PARP10: variants seen among roughly 807,000 people sequenced by gnomAD.
The protein encoded by PARP10 is protein mono-ADP-ribosyltransferase PARP10.
Under a neutral mutation model 82.4 loss-of-function variants are expected in PARP10, and 56 were observed. The observed-to-expected ratio is 0.68, with a 90% CI of 0.55 to 0.85. The LOEUF is 0.85. Among genes scored for constraint, PARP10 ranks in the 40% least tolerant of loss-of-function variants. The probability of loss-of-function intolerance (pLI) is 0.00; values close to 1 mark genes in which losing one functional copy is unlikely to be tolerated. For synonymous variants in PARP10, 576 were observed against 601.1 expected (o/e 0.96, Z 0.61); for missense variants, 1,227 against 1,379.4 (o/e 0.89, Z 1.75).
chr8:143,983,518 G>A lies in PARP10; in HGVS notation c.2071C>T (p.Pro691Ser). ...QALTLSLLEQ[P>S]PLEAEEPPDG... is the part of the protein sequence containing the mutation. ...GGGGGCTCTTCTGCCTCCAACGGGG[G>A]CTGCTCCAGCAGGGAGAGGGTTAGG... is the stretch of plus-strand genomic sequence containing the variant. Residue 691 changes from proline (P) to serine (S), a missense_variant, in exon 8 of 11, where the codon CCC becomes TCC. Physicochemically the swap from Pro to Ser is moderately conservative, Grantham distance 74. Transcript: ENST00000313028. The A allele has an allele frequency of 6.2e-7, 1 of 1,605,620 alleles. No individual in the cohort carries two copies. The highest frequency in any genetic ancestry group is 8.5e-7 in the Non-Finnish European group (1 of 1,176,538).
At position 143,977,999 on chromosome 8, in the gene PARP10, G is replaced by T; in HGVS notation, c.2639C>A (p.Pro880Gln). The T allele has an allele frequency of 1.3e-6, 2 of 1,591,496 alleles. No individual in the cohort carries two copies. ...GCCGTGGTACAGCACCTGCTCCACC[G>T]GGCGCCGCTCGCATCGCTGCAGCAG... ...ERLLQRCERRPVEQVLYHGTT... is the reference protein window; with the variant it reads ...ERLLQRCERRQVEQVLYHGTT... Residue 880 changes from proline (P) to glutamine (Q), a missense_variant, in exon 10 of 11, where the codon CCG becomes CAG. By Grantham distance (76) the Pro-to-Gln change is moderately conservative. Coordinates refer to ENST00000313028, the MANE Select transcript of PARP10 (RefSeq NM_032789.5).
In PARP10 at chr8:143,977,438, G is replaced by A. The variant is rs1554746415; in HGVS notation, c.*46C>T. ...GGGGCGGGGAGCATCAGCCTGTGCGGAGCTGGGAGCCTGGGAAGCAGGAGG... is the reference window on the plus strand; with the variant it reads ...GGGGCGGGGAGCATCAGCCTGTGCGAAGCTGGGAGCCTGGGAAGCAGGAGG... On this transcript the variant is annotated 3_prime_UTR_variant, in exon 11 of 11. Transcript: ENST00000313028. The A allele has an allele frequency of 4.8e-6, 7 of 1,466,472 alleles. No homozygotes were observed. The highest frequency in any genetic ancestry group is 6.4e-6 in the Non-Finnish European group (7 of 1,094,670). The allele number at this position is 1,466,472 out of a possible 1,614,324, so 90.8% of individuals were successfully genotyped here.
In PARP10 at chr8:143,977,665, C is replaced by G. The variant is rs1394720703; in HGVS notation, c.2897G>C (p.Arg966Pro). 6 of 1,594,216 alleles carry G rather than the reference C, an allele frequency of 3.8e-6. No homozygotes were observed. The highest frequency in any genetic ancestry group is 5.1e-6 in the Non-Finnish European group (6 of 1,171,240). The change falls in exon 11 of 11, where the codon CGG becomes CCG. Residue 966 changes from arginine to proline, a missense_variant. Transcript: ENST00000313028. ...GRRGLRAPPL[R>P]GPGHVLLRYD... The stretch of plus-strand genomic sequence containing the variant: ...GCGCAGGAGCACGTGGCCAGGACCC[C>G]GCAGAGGGGGCGCCCGCAGACCGCG...
At chr8:143,981,398 ATGG>A (rs1564248569) in intron 9 of PARP10, among the ~76,000 whole-genome samples, 1 of 57,292 alleles carries the variant, frequency 1.7e-5, no homozygotes. Context: ...GATGGTGATG[ATGG>A]TGGTGACGAC....
At chr8:143,991,288 CG>C (rs781965675), upstream of PARP10, 96 of 1,487,142 alleles carry the variant, frequency 6.5e-5, no homozygotes, top group Admixed American at 1.5e-4. Context: ...CCTGGATATC[CG>C]GGGGGGCCCC....
upstream of PARP10, chr8:143,991,928 T>G: frequency 6.2e-7 from 1 of 1,613,750 alleles, no homozygotes; most frequent in Non-Finnish European, 8.5e-7. Context: ...CCACGGTGTC[T>G]GTGTTCACTT....
At position 143,984,447 on chromosome 8, in the gene PARP10, A is replaced by C; in HGVS notation, c.1459-16T>G. 6.2e-7 allele frequency: 1 copy of C among 1,601,542 alleles called. No homozygotes were observed. The highest frequency in any genetic ancestry group is 8.5e-7 in the Non-Finnish European group (1 of 1,174,618). On this transcript the variant is annotated splice_polypyrimidine_tract_variant and intron_variant, in intron 5 of 10. Transcript: ENST00000313028. ...CTCCACAGAGCTGCAGGGCCATTGC[A>C]GAGATGGAGTTTGCAGGTTTAGAGC...
At chr8:143,992,446 G>A (rs782436880), upstream of PARP10, 14 of 1,613,802 alleles carry the variant, frequency 8.7e-6, no homozygotes, top group East Asian at 1.1e-4. Flanking sequence ...CCCATGGCCC[G>A]TTCCTCTCCC....
intron 1 of PARP10, among the ~76,000 whole-genome samples, chr8:144,001,059 G>T (rs1424089451): frequency 1.3e-5 from 2 of 151,660 alleles, no homozygotes; most frequent in East Asian, 3.9e-4. Context: ...GACTACAGGC[G>T]CCTGCCACCA....
Position 143,985,825 on chromosome 8 carries a change from G to T in PARP10, c.332C>A (p.Ala111Asp). ...TGGGAGCCCCGAGGCCCGCAGCAAG[G>T]CCTGGACATGCTGCTCCAAGCGCTG... ...TPQRLEQHVQ[A>D]LLRASGLPVQ... Residue 111 changes from alanine to aspartate, a missense_variant, in exon 3 of 11, where the codon GCC (alanine) becomes GAC (aspartate). Coordinates refer to ENST00000313028, the MANE Select transcript of PARP10 (RefSeq NM_032789.5). The T allele has an allele frequency of 6.2e-7, 1 of 1,611,504 alleles. No individual in the cohort carries two copies. Among genetic ancestry groups the T allele is most frequent in the Non-Finnish European group, 8.5e-7 (1 of 1,179,488 alleles).
At chr8:143,986,698 C>T, upstream of PARP10, 1 of 494,536 alleles carries the variant, frequency 2.0e-6, no homozygotes, top group Non-Finnish European at 3.7e-6. Context: ...GGTGGCCCTC[C>T]ACTCCCCTGG....
At chr8:143,996,820 C>T (rs1459428107) in intron 1 of PARP10, among the ~76,000 whole-genome samples, 1 of 152,194 alleles carries the variant, frequency 6.6e-6, no homozygotes, top group Non-Finnish European at 1.5e-5. Context: ...GGGAGACTCG[C>T]AGCGGGCTGA....
At chr8:143,995,136 C>T (rs934727149), upstream of PARP10, among the ~76,000 whole-genome samples, 1 of 152,158 alleles carries the variant, frequency 6.6e-6, no homozygotes, top group Non-Finnish European at 1.5e-5. Flanking sequence ...ACAGCAAAGA[C>T]CCCCACTGCC....
chr8:143,992,673 A>C, upstream of PARP10: 1 of 1,613,848 alleles, frequency 6.2e-7, no homozygotes. Flanking sequence ...CCTCAACACC[A>C]CTGTGCTGTC....
At chr8:143,994,926 T>C (rs1360380272), upstream of PARP10, among the ~76,000 whole-genome samples, 1 of 150,908 alleles carries the variant, frequency 6.6e-6, no homozygotes, top group Non-Finnish European at 1.5e-5. Context: ...AATAAAGTGT[T>C]TATGTGGCTA....
Position 143,977,478 on chromosome 8 carries a change from C to T in PARP10, c.*6G>A. 1.3e-6 allele frequency: 2 copies of T among 1,538,170 alleles called. No individual in the cohort carries two copies. The highest frequency in any genetic ancestry group is 1.8e-6 in the Non-Finnish European group (2 of 1,140,050). On this transcript the variant is annotated 3_prime_UTR_variant, in exon 11 of 11. Transcript: ENST00000313028. ...GAAGCAGGAGGCCAGAGGGTGGCCC[C>T]TTCGGTTAAGTGTCTGGGGAGCGGC...
At chr8:143,992,132 G>A (rs782215676), upstream of PARP10, 72 of 1,602,194 alleles carry the variant, frequency 4.5e-5, 1 homozygote, top group South Asian at 6.3e-4. Flanking sequence ...AGTCCCACAC[G>A]CCCACTCTTC....
At chr8:143,987,345 C>T (rs1286148333), upstream of PARP10, among the ~76,000 whole-genome samples, 8 of 152,212 alleles carry the variant, frequency 5.3e-5, no homozygotes, top group African/African-American at 7.2e-5. Flanking sequence ...AACCCAGCCC[C>T]ACCCCTGCTG....
chr8:144,003,295 T>C (rs1554751822), intron 1 of PARP10, among the ~76,000 whole-genome samples: 1 of 151,984 alleles, frequency 6.6e-6, no homozygotes, highest in African/African-American at 2.4e-5. Context: ...TGGTGGCACA[T>C]GCCTGTAATC....
Sources: allele counts gnomAD v4.1 joint callset (sites outside exome capture counted in the v4.1 genomes callset), GRCh38; gene constraint gnomAD v4.1.1; transcripts MANE v1.5; gene names NCBI Gene and HGNC (gene_info 2026-07-23, HGNC 2026-07-21).